Variants in INIP observed in about 807,000 individuals in gnomAD.
The protein encoded by INIP is INTS3 and NABP interacting protein.
Under a neutral mutation model 14.0 loss-of-function variants are expected in INIP, and 9 were observed. That is an observed-to-expected ratio of 0.64 (90% CI 0.39 to 1.12). The LOEUF is 1.12. Among genes scored for constraint, INIP ranks in the 50% most tolerant of loss-of-function variants. The pLI, the probability that INIP is intolerant of heterozygous loss-of-function variation, is 0.01. For missense variants in INIP, 78 were observed against 122.7 expected, an observed-to-expected ratio of 0.64 and a Z score of 1.72; for synonymous variants, 37 against 41.5, an observed-to-expected ratio of 0.89 and a Z score of 0.41.
intron 2 of INIP, among the ~76,000 whole-genome samples, chr9:112,711,696 T>C (rs1251797042): frequency 1.3e-5 from 2 of 152,146 alleles, no homozygotes; most frequent in Admixed American, 6.5e-5. Flanking sequence ...CTATGATTAG[T>C]CCACAGAGCA....
At chr9:112,703,980 T>C (rs1838379034) in intron 2 of INIP, among the ~76,000 whole-genome samples, 1 of 152,224 alleles carries the variant, frequency 6.6e-6, no homozygotes, top group African/African-American at 2.4e-5. Flanking sequence ...CAATGTCTTA[T>C]TATATTAATA....
Position 112,685,639 on chromosome 9 carries a change from C to T in INIP, c.*1899G>A, listed in dbSNP as rs925828746. On this transcript the variant is annotated 3_prime_UTR_variant, in exon 5 of 5. Coordinates refer to ENST00000374242, the MANE Select transcript of INIP (RefSeq NM_021218.3). Reference sequence around the variant, plus strand: ...AGGCTTCAATAGTGTAGAAAATATACTAATGTGTTATCTCCTTAGAGACAG... The same window carrying T: ...AGGCTTCAATAGTGTAGAAAATATATTAATGTGTTATCTCCTTAGAGACAG... 9 of 152,130 alleles carry T rather than the reference C, an allele frequency of 5.9e-5. No individual in the cohort carries two copies. Among genetic ancestry groups the T allele is most frequent in the Non-Finnish European group, 1.2e-4 (8 of 68,026 alleles). The allele number at this position is 152,130 out of a possible 1,614,324, so 9.4% of individuals were successfully genotyped here. A position where few individuals can be genotyped will look rare whatever the true frequency, so the allele number is the denominator to read the frequency against.
At chr9:112,699,494 C>T (rs1391608764) in intron 2 of INIP, among the ~76,000 whole-genome samples, 5 of 152,148 alleles carry the variant, frequency 3.3e-5, no homozygotes, top group African/African-American at 1.2e-4. Flanking sequence ...ATTCACACAA[C>T]TTTCATTGCA....
In INIP at chr9:112,687,142, G is replaced by A. The variant is rs1837701691; in HGVS notation, c.*396C>T. Reference sequence around the variant, plus strand: ...GGATGCAATTGATTTAAGCCTATTAGTTCATTTTTTAAAAGCAGCCTTGTT... The same window carrying A: ...GGATGCAATTGATTTAAGCCTATTAATTCATTTTTTAAAAGCAGCCTTGTT... On this transcript the variant is annotated 3_prime_UTR_variant, in exon 5 of 5. Coordinates refer to ENST00000374242, the MANE Select transcript of INIP (RefSeq NM_021218.3). 1 of 157,332 alleles carries A rather than the reference G, an allele frequency of 6.4e-6. No individual in the cohort carries two copies. The highest frequency in any genetic ancestry group is 1.4e-5 in the Non-Finnish European group (1 of 71,504). The allele number at this position is 157,332 out of a possible 1,614,324, so 9.7% of individuals were successfully genotyped here. A position where few individuals can be genotyped will look rare whatever the true frequency, so the allele number is the denominator to read the frequency against.
At chr9:112,693,028 CAAA>C (rs1223728146) in intron 3 of INIP, among the ~76,000 whole-genome samples, 10 of 85,156 alleles carry the variant, frequency 1.2e-4, no homozygotes, top group Non-Finnish European at 1.0e-4. Flanking sequence ...GACCCTGTCT[CAAA>C]AAAAAAAAAA....
chr9:112,712,639 A>G (rs1052031212), intron 2 of INIP, among the ~76,000 whole-genome samples: 13 of 152,250 alleles, frequency 8.5e-5, no homozygotes, highest in African/African-American at 2.9e-4. Flanking sequence ...AACTATGGAA[A>G]AGGACCAAGT....
intron 2 of INIP, among the ~76,000 whole-genome samples, chr9:112,701,241 A>T (rs1047628615): frequency 6.6e-6 from 1 of 152,216 alleles, no homozygotes; most frequent in African/African-American, 2.4e-5. Flanking sequence ...TGGGAGGTGG[A>T]GGTTGCAGTG....
At position 112,684,727 on chromosome 9, in the gene INIP, G is replaced by T. The variant is rs1837596185; in HGVS notation, c.*2811C>A. 6.6e-6 allele frequency: 1 copy of T among 152,132 alleles called. No homozygotes were observed. The highest frequency in any genetic ancestry group is 6.5e-5 in the Admixed American group (1 of 15,274). 9.4% of individuals were successfully genotyped at this position (152,132 alleles called of 1,614,324 possible). On this transcript the variant is annotated 3_prime_UTR_variant, in exon 5 of 5. Coordinates refer to ENST00000374242, the MANE Select transcript of INIP (RefSeq NM_021218.3). ...AAGTTGGCTTCTCAACTCAGTAATG[G>T]GTTGAGGCTTTTGCACTTTGAAAAA...
intron 4 of INIP, among the ~76,000 whole-genome samples, chr9:112,687,988 A>C (rs1217658785): frequency 1.3e-5 from 2 of 152,120 alleles, no homozygotes; most frequent in Admixed American, 6.6e-5. Flanking sequence ...CAGGAGGCTG[A>C]GGCAGGAGAA....
rs79286482 is a variant in INIP at position 112,707,153 on chromosome 9, G to T, written c.25+9308C>A. Among the ~76,000 whole-genome samples the T allele has an allele frequency of 5.1e-4, 78 of 151,594 alleles. No individual in the cohort carries two copies. The East Asian group carries it at 0.015, about 29-fold the overall frequency. ...GGGGTTTCTCCATGTTGGTCAGGCC[G>T]GTCTCGAACTCCCGACCTCAGGTGA... On this transcript the variant is annotated intron_variant, in intron 2 of 4. Coordinates refer to ENST00000374242, the MANE Select transcript of INIP (RefSeq NM_021218.3).
intron 2 of INIP, among the ~76,000 whole-genome samples, chr9:112,698,814 T>C (rs967453449): frequency 9.2e-5 from 14 of 152,222 alleles, no homozygotes; most frequent in African/African-American, 3.1e-4. Flanking sequence ...GGTCTGTCTC[T>C]TTCTCATATT....
rs1025041790 is a variant in INIP at position 112,684,188 on chromosome 9, T to G, written c.*3350A>C. 2.0e-4 allele frequency: 30 copies of G among 151,988 alleles called. No individual in the cohort carries two copies. The highest frequency in any genetic ancestry group is 5.8e-4 in the African/African-American group (24 of 41,440). The allele number at this position is 151,988 out of a possible 1,614,324, so 9.4% of individuals were successfully genotyped here. ...AAAGGAAAGGAGGAAGAGAAAGAAA[T>G]AAACAAAAATTCTTGCTCTCTAAGA... On this transcript the variant is annotated 3_prime_UTR_variant, in exon 5 of 5. Coordinates refer to ENST00000374242, the MANE Select transcript of INIP (RefSeq NM_021218.3).
intron 2 of INIP, among the ~76,000 whole-genome samples, chr9:112,699,169 T>C (rs1489824309): frequency 1.3e-5 from 2 of 151,792 alleles, no homozygotes; most frequent in African/African-American, 4.8e-5. Context: ...AAAAATTTTT[T>C]TTTTCCAGTT....
chr9:112,700,321 T>C (rs1313590149), intron 2 of INIP, among the ~76,000 whole-genome samples: 3 of 152,050 alleles, frequency 2.0e-5, no homozygotes, highest in East Asian at 1.9e-4. Flanking sequence ...CCAACTAGTA[T>C]AGGTAGTTCT....
At chr9:112,716,962 C>CAA (rs553313367) in intron 1 of INIP, among the ~76,000 whole-genome samples, 31 of 78,062 alleles carry the variant, frequency 4.0e-4, no homozygotes, top group African/African-American at 7.8e-4. Context: ...GACTCGGTCT[C>CAA]AAAAAAAAAA....
intron 2 of INIP, among the ~76,000 whole-genome samples, chr9:112,714,238 GA>G (rs1250581025): frequency 6.6e-6 from 1 of 152,118 alleles, no homozygotes; most frequent in Non-Finnish European, 1.5e-5. Context: ...TACACTTTAA[GA>G]GTCCATAAGT....
intron 2 of INIP, chr9:112,701,886 CAAA>C (rs749264572): frequency 7.0e-4 from 80 of 113,900 alleles, no homozygotes; most frequent in African/African-American, 2.2e-3. Flanking sequence ...CTTGTCTGTA[CAAA>C]AAAAAAAAAA....
At chr9:112,699,323 T>A (rs986779275) in intron 2 of INIP, among the ~76,000 whole-genome samples, 10 of 151,290 alleles carry the variant, frequency 6.6e-5, no homozygotes, top group African/African-American at 2.2e-4. Context: ...AAAAAAAAAA[T>A]AACAAAATTT....
intron 2 of INIP, among the ~76,000 whole-genome samples, chr9:112,700,306 G>C (rs1401034518): frequency 6.6e-6 from 1 of 151,932 alleles, no homozygotes; most frequent in African/African-American, 2.4e-5. Context: ...TACTTCATGT[G>C]GTGTCCAACT....
Sources: gnomAD v4.1 joint callset for allele counts (sites outside exome capture counted in the v4.1 genomes callset) on GRCh38, gnomAD v4.1.1 for gene constraint, MANE v1.5 for transcripts, NCBI Gene and HGNC (gene_info 2026-07-23, HGNC 2026-07-21) for gene names.